Variants in HTR1F observed in about 807,000 individuals in gnomAD.
HTR1F encodes 5-hydroxytryptamine (serotonin) receptor 1F, G protein-coupled.
In HTR1F, 17 loss-of-function variants were observed where a neutral mutation model predicts 24.0. The observed-to-expected ratio is 0.71, with a 90% CI of 0.48 to 1.06. The LOEUF (loss-of-function observed/expected upper bound fraction) is 1.06, where lower values mean the gene tolerates loss of function less well. Among genes scored for constraint, HTR1F ranks in the 50% least tolerant of loss-of-function variants. The pLI is 0.00. For synonymous variants in HTR1F, 186 were observed against 156.8 expected (o/e 1.19, Z -1.39); for missense variants, 391 against 427.8 (o/e 0.91, Z 0.76).
intron 2 of HTR1F, among the ~76,000 whole-genome samples, chr3:87,844,810 C>G (rs1203012107): frequency 5.4e-5 from 8 of 148,732 alleles, no homozygotes; most frequent in Non-Finnish European, 1.0e-4. Flanking sequence ...GCTTGTTTTT[C>G]TCAGGTTTGT....
intron 2 of HTR1F, among the ~76,000 whole-genome samples, chr3:87,938,906 A>G (rs957465109): frequency 6.6e-6 from 1 of 152,234 alleles, no homozygotes; most frequent in Admixed American, 6.5e-5. Context: ...AGACACCAAA[A>G]GCAATCACAA....
chr3:87,819,165 C>G (rs961312051), intron 1 of HTR1F, among the ~76,000 whole-genome samples: 2 of 152,108 alleles, frequency 1.3e-5, no homozygotes, highest in African/African-American at 4.8e-5. Flanking sequence ...AATAAGATTA[C>G]TGGTCAAATT....
chr3:87,955,410 C>A (rs537105753), intron 2 of HTR1F, among the ~76,000 whole-genome samples: 144 of 151,580 alleles, frequency 9.5e-4, no homozygotes, highest in African/African-American at 3.4e-3. Flanking sequence ...AAGTAGCATT[C>A]AATTGTATGA....
intron 2 of HTR1F, among the ~76,000 whole-genome samples, chr3:87,861,854 C>T (rs985372833): frequency 6.6e-6 from 1 of 151,974 alleles, no homozygotes; most frequent in African/African-American, 2.4e-5. Flanking sequence ...GATTACATTC[C>T]TAACTTTTCA....
At chr3:87,946,625 A>ATT (rs1255919321) in intron 2 of HTR1F, among the ~76,000 whole-genome samples, 2 of 109,570 alleles carry the variant, frequency 1.8e-5, no homozygotes, top group African/African-American at 7.3e-5. Context: ...ATATATATAT[A>ATT]TATTTTTTTT....
chr3:87,830,239 G>A (rs1392908250), intron 2 of HTR1F, among the ~76,000 whole-genome samples: 2 of 152,002 alleles, frequency 1.3e-5, no homozygotes, highest in Non-Finnish European at 2.9e-5. Context: ...TATGTGTCCT[G>A]GTATTATATC....
chr3:87,805,203 G>T lies in HTR1F; in HGVS notation c.-160+12361G>T, dbSNP rs1704054026. 2.8e-5 allele frequency among the ~76,000 whole-genome samples: 4 copies of T among 145,350 alleles called. No homozygotes were observed. In the South Asian group the frequency reaches 6.5e-4, roughly 24 times the overall value. The stretch of plus-strand genomic sequence containing the variant: ...ATATGTTAACAACTTGTAGAGCAAG[G>T]TTTTTTTTTTTACCACTCTTCTCCA... On this transcript the variant is annotated intron_variant, in intron 1 of 2. Transcript: ENST00000319595.
rs564793011 is a variant in HTR1F, at chr3:87,845,087, A to G, written c.-43+22963A>G. ...AGGTATTGATGGGACATATTTCAAA[A>G]TAATAAGAGCTATCTATGAGAAACC... On this transcript the variant is annotated intron_variant, in intron 2 of 2. Transcript: ENST00000319595. Among the ~76,000 whole-genome samples, 14 of 151,824 alleles carry G rather than the reference A, an allele frequency of 9.2e-5. No individual in the cohort carries two copies. In the South Asian group the frequency reaches 1.5e-3, roughly 16 times the overall value.
intron 2 of HTR1F, among the ~76,000 whole-genome samples, chr3:87,903,963 G>A (rs1031923182): frequency 5.9e-5 from 9 of 152,070 alleles, no homozygotes; most frequent in Non-Finnish European, 5.9e-5. Context: ...GTTACAAGAT[G>A]GTTGCAATAC....
chr3:87,811,312 C>T (rs1704157100), intron 1 of HTR1F, among the ~76,000 whole-genome samples: 1 of 150,970 alleles, frequency 6.6e-6, no homozygotes, highest in Admixed American at 6.6e-5. Flanking sequence ...GACAAACACT[C>T]AAACTACTTC....
chr3:87,938,337 C>A (rs1704479061), intron 2 of HTR1F, among the ~76,000 whole-genome samples: 1 of 152,152 alleles, frequency 6.6e-6, no homozygotes, highest in African/African-American at 2.4e-5. Context: ...TATAAAAAAT[C>A]AGTATCATTA....
chr3:87,959,284 T>C (rs1705010287), intron 2 of HTR1F, among the ~76,000 whole-genome samples: 2 of 151,814 alleles, frequency 1.3e-5, no homozygotes, highest in Admixed American at 1.3e-4. Context: ...ATTAGGAGTT[T>C]AATGAGACTG....
chr3:87,946,611 GTATATA>G (rs1178082807), intron 2 of HTR1F, among the ~76,000 whole-genome samples: 1 of 129,926 alleles, frequency 7.7e-6, no homozygotes. Context: ...GTGTGTGTGT[GTATATA>G]TATATATATA....
intron 2 of HTR1F, among the ~76,000 whole-genome samples, chr3:87,879,793 G>A (rs1312847019): frequency 6.6e-6 from 1 of 151,924 alleles, no homozygotes; most frequent in Non-Finnish European, 1.5e-5. Flanking sequence ...GATTTGTTTA[G>A]CTTCTATACT....
chr3:87,890,687 T>C (rs1351585675), intron 2 of HTR1F, among the ~76,000 whole-genome samples: 1 of 152,084 alleles, frequency 6.6e-6, no homozygotes, highest in South Asian at 2.1e-4. Flanking sequence ...ATGAATATCA[T>C]GTACCCACTG....
intron 2 of HTR1F, among the ~76,000 whole-genome samples, chr3:87,857,014 CTTA>C (rs1368787934): frequency 6.6e-6 from 1 of 152,032 alleles, no homozygotes; most frequent in Non-Finnish European, 1.5e-5. Context: ...TTTCCCCAGA[CTTA>C]TTAGTGTTTT....
At chr3:87,960,362 T>C (rs945535916) in intron 2 of HTR1F, among the ~76,000 whole-genome samples, 1 of 151,976 alleles carries the variant, frequency 6.6e-6, no homozygotes, top group Non-Finnish European at 1.5e-5. Context: ...AGATGGTTTA[T>C]AAAGGGAAGA....
chr3:87,983,475 G>A (rs567691606), intron 2 of HTR1F, among the ~76,000 whole-genome samples: 1 of 152,208 alleles, frequency 6.6e-6, no homozygotes, highest in East Asian at 1.9e-4. Context: ...TACAATCCCA[G>A]GCTCGGAACC....
intron 2 of HTR1F, among the ~76,000 whole-genome samples, chr3:87,936,306 T>C (rs1576057092): frequency 6.6e-6 from 1 of 152,226 alleles, no homozygotes; most frequent in Admixed American, 6.5e-5. Context: ...TCTTGTAACT[T>C]TTTAAATATA....
Sources: gnomAD v4.1 joint callset for allele counts (sites outside exome capture counted in the v4.1 genomes callset) on GRCh38, gnomAD v4.1.1 for gene constraint, MANE v1.5 for transcripts, NCBI Gene and HGNC (gene_info 2026-07-23, HGNC 2026-07-21) for gene names.